The following KIAA1217 variants were observed in gnomAD, a reference collection of about 807,000 sequenced individuals.
KIAA1217 encodes the protein sickle tail protein homolog.
Under a neutral mutation model 163.9 loss-of-function variants are expected in KIAA1217, and 88 were observed. That is an observed-to-expected ratio of 0.54 (90% CI 0.45 to 0.64). The LOEUF (loss-of-function observed/expected upper bound fraction) is 0.64, where lower values mean the gene tolerates loss of function less well. Ranked by LOEUF, KIAA1217 falls within the 30% of genes least tolerant of loss-of-function variation. The probability of loss-of-function intolerance (pLI) is 0.00; values close to 1 mark genes in which losing one functional copy is unlikely to be tolerated. For synonymous variants in KIAA1217, 903 were observed against 923.1 expected, an observed-to-expected ratio of 0.98 and a Z score of 0.39; for missense variants, 2,372 against 2,475.0, an observed-to-expected ratio of 0.96 and a Z score of 0.88.
At chr10:24,349,934 T>C (rs2048252496) in intron 2 of KIAA1217, among the ~76,000 whole-genome samples, 1 of 152,116 alleles carries the variant, frequency 6.6e-6, no homozygotes, top group South Asian at 2.1e-4. Flanking sequence ...AGCAGGCCTT[T>C]GGGGGAATGA....
intron 1 of KIAA1217, among the ~76,000 whole-genome samples, chr10:23,847,088 C>T (rs1160425930): frequency 6.6e-6 from 1 of 152,152 alleles, no homozygotes; most frequent in Non-Finnish European, 1.5e-5. Context: ...ATGAAGCCAA[C>T]TTGATTGTGG....
intron 1 of KIAA1217, among the ~76,000 whole-genome samples, chr10:23,963,035 T>C (rs1268918304): frequency 6.6e-6 from 1 of 152,208 alleles, no homozygotes; most frequent in Non-Finnish European, 1.5e-5. Flanking sequence ...AAGTATTAGG[T>C]TGAACCATAG....
At chr10:23,907,306 G>A (rs1318165568) in intron 1 of KIAA1217, among the ~76,000 whole-genome samples, 3 of 151,898 alleles carry the variant, frequency 2.0e-5, no homozygotes, top group African/African-American at 4.8e-5. Context: ...GTGTGTGTGT[G>A]TGTGTGTGTG....
intron 5 of KIAA1217, among the ~76,000 whole-genome samples, chr10:24,453,613 C>T (rs960414351): frequency 6.6e-6 from 1 of 152,216 alleles, no homozygotes; most frequent in African/African-American, 2.4e-5. Flanking sequence ...TTTTAAAAAA[C>T]AGCCTCTTTG....
At chr10:23,923,324 A>G (rs967665360) in intron 1 of KIAA1217, among the ~76,000 whole-genome samples, 2 of 152,156 alleles carry the variant, frequency 1.3e-5, no homozygotes, top group Non-Finnish European at 2.9e-5. Flanking sequence ...CAAGTGTCCC[A>G]AGAAAGACCT....
At chr10:24,410,198 G>A (rs934895859) in intron 3 of KIAA1217, among the ~76,000 whole-genome samples, 6 of 151,936 alleles carry the variant, frequency 3.9e-5, no homozygotes, top group African/African-American at 7.2e-5. Flanking sequence ...GTTTCACCAT[G>A]TTGGCCAGGC....
chr10:23,802,979 C>G (rs1374449666), intron 1 of KIAA1217, among the ~76,000 whole-genome samples: 3 of 152,188 alleles, frequency 2.0e-5, no homozygotes, highest in Non-Finnish European at 4.4e-5. Context: ...CTGCACACCC[C>G]ATGAGGTAGG....
At chr10:23,790,075 ACATATACACATATG>A (rs1835692771) in intron 1 of KIAA1217, among the ~76,000 whole-genome samples, 3 of 112,678 alleles carry the variant, frequency 2.7e-5, no homozygotes, top group African/African-American at 7.7e-5. Flanking sequence ...ATGCATATAC[ACATATACACATATG>A]CATATACACA....
At chr10:24,419,751 C>A (rs2058580637) in intron 3 of KIAA1217, among the ~76,000 whole-genome samples, 1 of 152,156 alleles carries the variant, frequency 6.6e-6, no homozygotes, top group Non-Finnish European at 1.5e-5. Context: ...GAGCTAACCA[C>A]ATGCTGGAGT....
intron 2 of KIAA1217, among the ~76,000 whole-genome samples, chr10:24,341,747 A>G (rs867452269): frequency 7.2e-5 from 11 of 152,226 alleles, no homozygotes; most frequent in African/African-American, 2.7e-4. Context: ...TGGCTTTCCA[A>G]CTGCTAACTA....
At chr10:23,973,720 G>A (rs553870889) in intron 1 of KIAA1217, among the ~76,000 whole-genome samples, 35 of 152,232 alleles carry the variant, frequency 2.3e-4, no homozygotes, top group Non-Finnish European at 3.8e-4. Flanking sequence ...AGGTAATGAC[G>A]AGAAACTGTG....
chr10:23,765,114 G>T, intron 1 of KIAA1217, among the ~76,000 whole-genome samples: 1 of 148,214 alleles, frequency 6.7e-6, no homozygotes, highest in Non-Finnish European at 1.5e-5. Flanking sequence ...TATTATAATA[G>T]TTATGATAAA....
chr10:24,422,710 A>G (rs901432169), intron 3 of KIAA1217, among the ~76,000 whole-genome samples: 2 of 152,118 alleles, frequency 1.3e-5, no homozygotes, highest in African/African-American at 4.8e-5. Flanking sequence ...TGCTCATTTC[A>G]ATGATATTAA....
intron 1 of KIAA1217, among the ~76,000 whole-genome samples, chr10:23,910,630 A>T (rs1249251309): frequency 6.6e-6 from 1 of 152,190 alleles, no homozygotes; most frequent in Non-Finnish European, 1.5e-5. Context: ...GGGTGAGGAA[A>T]CTCAAGTTGT....
rs184911434 is a variant in KIAA1217 at position 24,103,828 on chromosome 10, C to A, written c.-171+96454C>A. Among the ~76,000 whole-genome samples the A allele has an allele frequency of 2.4e-3, 372 of 152,250 alleles. 3 individuals are homozygous for A. The highest frequency in any genetic ancestry group is 4.8e-3 in the Admixed American group (73 of 15,292). ...CCCAACTTCAAGACTTACTTTCAAG[C>A]AACAGTAATCAGGATAACATGGTAT... On this transcript the variant is annotated intron_variant, in intron 2 of 18. Transcript: ENST00000376462.
At chr10:24,009,255 C>T (rs1159870858) in intron 2 of KIAA1217, among the ~76,000 whole-genome samples, 1 of 151,966 alleles carries the variant, frequency 6.6e-6, no homozygotes, top group Admixed American at 6.6e-5. Flanking sequence ...AGGAATTGGC[C>T]CATTATCACA....
intron 1 of KIAA1217, among the ~76,000 whole-genome samples, chr10:24,218,453 G>T (rs1202187483): frequency 6.6e-6 from 1 of 151,592 alleles, no homozygotes; most frequent in African/African-American, 2.4e-5. Context: ...AGTAAAATTT[G>T]TCTAAGCCTT....
intron 2 of KIAA1217, among the ~76,000 whole-genome samples, chr10:24,272,898 C>T (rs569324771): frequency 2.0e-5 from 3 of 152,210 alleles, no homozygotes; most frequent in East Asian, 3.9e-4. Flanking sequence ...AAAGAGCAAA[C>T]GTGGAATAGC....
In KIAA1217 at chr10:23,695,618, G is replaced by A. The variant is rs1216684701; in HGVS notation, c.-321+384G>A. Among the ~76,000 whole-genome samples the A allele has an allele frequency of 6.6e-6, 1 of 152,178 alleles. No individual in the cohort carries two copies. The highest frequency in any genetic ancestry group is 2.1e-4 in the South Asian group (1 of 4,834). On this transcript the variant is annotated intron_variant, in intron 1 of 18. Coordinates refer to the KIAA1217 transcript ENST00000376462. This position sits in a 1 kb window ranked among gnomAD's most constrained non-coding sequence, Gnocchi z 4.9. Reference sequence around the variant, plus strand: ...CTTATATAGGTGCGACTAGGATGTTGCCTCGTTTTTCACTCGGGGCTGCGA... The same window carrying A: ...CTTATATAGGTGCGACTAGGATGTTACCTCGTTTTTCACTCGGGGCTGCGA...
Sources: allele counts gnomAD v4.1 joint callset (sites outside exome capture counted in the v4.1 genomes callset), GRCh38; gene constraint gnomAD v4.1.1; non-coding constraint Gnocchi (gnomAD v3.1); transcripts MANE v1.5; gene names NCBI Gene and HGNC (gene_info 2026-07-23, HGNC 2026-07-21).